Variants in UBAP2L observed in about 807,000 individuals in gnomAD.
The protein encoded by UBAP2L is ubiquitin-associated protein 2-like.
UBAP2L carries 12 observed loss-of-function variants against 130.6 expected under a neutral mutation model. The ratio of observed to expected loss-of-function variants is 0.09; its 90% CI spans 0.06 to 0.15. The LOEUF is 0.15. UBAP2L is among the 10% of genes least tolerant of loss of function. The pLI, the probability that UBAP2L is intolerant of heterozygous loss-of-function variation, is 1.00. For synonymous variants in UBAP2L, 503 were observed against 524.7 expected (o/e 0.96, Z 0.57); for missense variants, 965 against 1,332.5 (o/e 0.72, Z 4.29).
intron 24 of UBAP2L, among the ~76,000 whole-genome samples, chr1:154,263,942 A>G (rs572343883): frequency 6.6e-6 from 1 of 152,350 alleles, no homozygotes; most frequent in African/African-American, 2.4e-5. Context: ...TAAAGTCATT[A>G]GTGATAAGCT....
chr1:154,252,593 C>G (rs1450007409), intron 14 of UBAP2L, among the ~76,000 whole-genome samples: 1 of 151,552 alleles, frequency 6.6e-6, no homozygotes, highest in Non-Finnish European at 1.5e-5. Context: ...GAGTTTTGCT[C>G]TTGTTGCCCA....
intron 10 of UBAP2L, among the ~76,000 whole-genome samples, chr1:154,243,805 G>A (rs1674406760): frequency 6.6e-6 from 1 of 152,152 alleles, no homozygotes; most frequent in South Asian, 2.1e-4. Flanking sequence ...CTGCTGAATG[G>A]AAGTTGATAT....
intron 21 of UBAP2L, among the ~76,000 whole-genome samples, chr1:154,259,326 G>A (rs1680707218): frequency 6.6e-6 from 1 of 151,968 alleles, no homozygotes; most frequent in Non-Finnish European, 1.5e-5. Context: ...GAGTAGCTGG[G>A]ATTAAAGGTG....
At chr1:154,241,591 C>T in intron 9 of UBAP2L, 26 bp downstream of exon 9, 1 of 1,613,140 alleles carries the variant, frequency 6.2e-7, no homozygotes, top group Non-Finnish European at 8.5e-7. Context: ...TCATTCCTCA[C>T]TAATGCCTTC....
At position 154,261,016 on chromosome 1, in the gene UBAP2L, G is replaced by A. The variant is rs1311304217; in HGVS notation, c.2703G>A (p.Ala901=). Residue 901 remains alanine, a synonymous_variant, in exon 23 of 27, where the codon GCG becomes GCA. Transcript: ENST00000428931. ...HTTQQTFLNP[A]LPPGYSYTSL... ...CGCAGCAGACATTCCTGAACCCGGC[G>A]CTGCCTCCTGGCTACAGTTACACCA... is the stretch of plus-strand genomic sequence containing the variant. The A allele has an allele frequency of 6.2e-7, 1 of 1,614,160 alleles. No individual in the cohort carries two copies. The highest frequency in any genetic ancestry group is 8.5e-7 in the Non-Finnish European group (1 of 1,180,034).
upstream of UBAP2L, chr1:154,220,206 T>G: frequency 9.2e-7 from 1 of 1,090,616 alleles, no homozygotes. Context: ...AACTCCCACC[T>G]ACTCCTGGAA....
chr1:154,221,649 G>C (rs927300912), intron 1 of UBAP2L, among the ~76,000 whole-genome samples: 1 of 152,212 alleles, frequency 6.6e-6, no homozygotes, highest in African/African-American at 2.4e-5. Context: ...GCTGAGGGGG[G>C]TGAGCCTCCC....
At chr1:154,233,829 C>G (rs1670719459) in intron 4 of UBAP2L, among the ~76,000 whole-genome samples, 1 of 150,790 alleles carries the variant, frequency 6.6e-6, no homozygotes, top group Non-Finnish European at 1.5e-5. Flanking sequence ...ATGAATGATG[C>G]TATAAAAAGT....
At chr1:154,259,775 G>T in intron 21 of UBAP2L, 173 bp from the exon 22 acceptor site, 1 of 783,418 alleles carries the variant, frequency 1.3e-6, no homozygotes, top group South Asian at 1.4e-5. Flanking sequence ...CAGGCAGGGG[G>T]GACAGTGTAT....
At chr1:154,223,125 A>G (rs1666835461) in intron 1 of UBAP2L, among the ~76,000 whole-genome samples, 1 of 152,164 alleles carries the variant, frequency 6.6e-6, no homozygotes, top group Non-Finnish European at 1.5e-5. Flanking sequence ...TAGGTGGTAA[A>G]AATTTTCTTA....
intron 4 of UBAP2L, among the ~76,000 whole-genome samples, chr1:154,230,596 G>GT (rs1294541649): frequency 1.3e-5 from 2 of 152,012 alleles, no homozygotes; most frequent in Admixed American, 6.5e-5. Context: ...GGCTATTTAT[G>GT]TTTTTTTAAA....
At chr1:154,233,790 G>GAA (rs1291694678) in intron 4 of UBAP2L, among the ~76,000 whole-genome samples, 1 of 151,180 alleles carries the variant, frequency 6.6e-6, no homozygotes, top group Non-Finnish European at 1.5e-5. Context: ...GTAACTTTTA[G>GAA]AAACATTTTC....
intron 22 of UBAP2L, among the ~76,000 whole-genome samples, chr1:154,260,438 C>T (rs1681175070): frequency 6.6e-6 from 1 of 152,236 alleles, no homozygotes; most frequent in African/African-American, 2.4e-5. Flanking sequence ...ATCTCTGCCC[C>T]TTTATGCTAC....
chr1:154,249,612 A>C (rs1676799153), intron 12 of UBAP2L, among the ~76,000 whole-genome samples, 175 bp downstream of exon 12: 2 of 152,096 alleles, frequency 1.3e-5, no homozygotes, highest in African/African-American at 4.8e-5. Flanking sequence ...GAAGTTGGGG[A>C]ATAATAAAAT....
chr1:154,250,288 G>A (rs1195688467), intron 12 of UBAP2L, among the ~76,000 whole-genome samples: 1 of 152,134 alleles, frequency 6.6e-6, no homozygotes, highest in Non-Finnish European at 1.5e-5. Context: ...TTGGGCTCAG[G>A]CGATCTGCTG....
intron 12 of UBAP2L, among the ~76,000 whole-genome samples, chr1:154,249,903 A>G (rs558702910): frequency 6.6e-6 from 1 of 151,652 alleles, no homozygotes; most frequent in Non-Finnish European, 1.5e-5. Context: ...AACCATATAC[A>G]TAGTTGCAGT....
Position 154,246,222 on chromosome 1 carries a change from G to A in UBAP2L, c.861G>A (p.Leu287=), listed in dbSNP as rs551705347. ...CCATTAGAATTGACCTTGCTGTTCT[G>A]CTGGGGAAGACACCATCTACAATGG... ...TAGQRIDLAV[L]LGKTPSTMEN... is the part of the protein sequence containing the mutation. Residue 287 remains leucine, a synonymous_variant, in exon 11 of 27, where the codon CTG becomes CTA. Transcript: ENST00000428931. The A allele has an allele frequency of 2.2e-5, 36 of 1,611,322 alleles. No individual in the cohort carries two copies. The South Asian group carries it at 3.9e-4, about 17-fold the overall frequency.
chr1:154,269,092 C>A, intron 26 of UBAP2L, 138 bp downstream of exon 26: 1 of 1,048,234 alleles, frequency 9.5e-7, no homozygotes, highest in Non-Finnish European at 1.4e-6. Flanking sequence ...GGGCACACAG[C>A]ACATACAGAC....
chr1:154,236,863 G>A (rs571221837), intron 7 of UBAP2L, among the ~76,000 whole-genome samples, 161 bp from the exon 8 acceptor site: 1 of 152,090 alleles, frequency 6.6e-6, no homozygotes, highest in Non-Finnish European at 1.5e-5. Context: ...GAAATTTTGG[G>A]TAGAGTGATA....
Sources: allele counts gnomAD v4.1 joint callset (sites outside exome capture counted in the v4.1 genomes callset), GRCh38; gene constraint gnomAD v4.1.1; transcripts MANE v1.5; gene names NCBI Gene and HGNC (gene_info 2026-07-23, HGNC 2026-07-21).